Variants in SLF1 observed in about 807,000 individuals in gnomAD.
SLF1 encodes the protein SMC5/6 complex localization factor 1.
A neutral mutation model predicts 123.0 loss-of-function variants in SLF1; 105 were observed. The ratio of observed to expected loss-of-function variants is 0.85; its 90% CI spans 0.73 to 1.00. The LOEUF is 1.00. SLF1 is among the 50% of genes least tolerant of loss of function. The probability of loss-of-function intolerance (pLI) is 0.00; values close to 1 mark genes in which losing one functional copy is unlikely to be tolerated. For synonymous variants in SLF1, 434 were observed against 406.6 expected (o/e 1.07, Z -0.81); for missense variants, 1,239 against 1,223.0 (o/e 1.01, Z -0.20).
chr5:94,645,798 TAAGG>T (rs932410046), intron 5 of SLF1, among the ~76,000 whole-genome samples: 1 of 152,180 alleles, frequency 6.6e-6, no homozygotes, highest in Non-Finnish European at 1.5e-5. Flanking sequence ...CCAATCCAAA[TAAGG>T]AAGGCATATT....
Position 94,654,570 on chromosome 5 carries a change from A to T in SLF1, c.1033-60A>T, listed in dbSNP as rs893612726. 6 of 1,353,330 alleles carry T rather than the reference A, an allele frequency of 4.4e-6. No individual in the cohort carries two copies. The African/African-American group carries it at 8.9e-5, about 20-fold the overall frequency. 83.8% of individuals were successfully genotyped at this position (1,353,330 alleles called of 1,614,324 possible). On this transcript the variant is annotated intron_variant, in intron 8 of 20. Transcript: ENST00000265140. ...CTCTTATATTGTCCTTTGTGATATC[A>T]TCTGTGTTGACACTGTCTTTAGTAC...
chr5:94,624,819 C>T (rs1792085646), intron 1 of SLF1, among the ~76,000 whole-genome samples: 1 of 151,582 alleles, frequency 6.6e-6, no homozygotes, highest in South Asian at 2.1e-4. Context: ...CTGAAATAGC[C>T]ATTAAATAGA....
chr5:94,689,435 A>T, intron 17 of SLF1, 38 bp from the exon 18 acceptor site: 5 of 1,590,310 alleles, frequency 3.1e-6, no homozygotes, highest in Non-Finnish European at 4.3e-6. Flanking sequence ...CGCCTTGCTG[A>T]AAAACAAGCT....
intron 15 of SLF1, among the ~76,000 whole-genome samples, chr5:94,680,629 G>C (rs1751656837): frequency 6.6e-6 from 1 of 152,158 alleles, no homozygotes; most frequent in African/African-American, 2.4e-5. Context: ...TAGATGTCTT[G>C]TTTCCAATAC....
At chr5:94,688,709 G>C (rs369503329) in intron 17 of SLF1, 40 bp downstream of exon 17, 1 of 1,600,564 alleles carries the variant, frequency 6.2e-7, no homozygotes, top group South Asian at 1.1e-5. Context: ...TTGTTTTGGA[G>C]TACAGCTCTT....
At chr5:94,620,671 C>G (rs1194047394) in intron 1 of SLF1, among the ~76,000 whole-genome samples, 1 of 152,120 alleles carries the variant, frequency 6.6e-6, no homozygotes, top group Non-Finnish European at 1.5e-5. Flanking sequence ...AACGAATTCT[C>G]TCAAGAATGT....
intron 5 of SLF1, among the ~76,000 whole-genome samples, chr5:94,644,379 G>A (rs1273331124): frequency 2.6e-5 from 4 of 152,048 alleles, no homozygotes; most frequent in Admixed American, 6.6e-5. Flanking sequence ...ACTCACCTAC[G>A]TAAAACTCTT....
At chr5:94,627,984 C>T (rs970352196) in intron 1 of SLF1, among the ~76,000 whole-genome samples, 3 of 151,680 alleles carry the variant, frequency 2.0e-5, no homozygotes, top group Non-Finnish European at 4.4e-5. Flanking sequence ...CGTGCCGCCA[C>T]GCTGGGCTAA....
intron 4 of SLF1, among the ~76,000 whole-genome samples, chr5:94,638,992 A>G (rs923831390): frequency 1.0e-4 from 15 of 147,058 alleles, no homozygotes; most frequent in Admixed American, 6.8e-4. Context: ...AATTAAATCT[A>G]GTATCTTGCT....
rs769138285 is a variant in SLF1, at chr5:94,670,142, G to T, written c.1533-9G>T. On this transcript the variant is annotated splice_polypyrimidine_tract_variant and intron_variant, in intron 12 of 20. Transcript: ENST00000265140. ...GTATGTTATAGATTTTTGGGTTCAT[G>T]TTTTTCAGGTCTTGCCTTTTCAATG... is the stretch of plus-strand genomic sequence containing the variant. The T allele has an allele frequency of 6.5e-7, 1 of 1,530,066 alleles. No homozygotes were observed. Among genetic ancestry groups the T allele is most frequent in the South Asian group, 1.2e-5 (1 of 80,798 alleles). The allele number at this position is 1,530,066 out of a possible 1,614,324, so 94.8% of individuals were successfully genotyped here.
At chr5:94,685,033 A>G (rs1752256297) in intron 15 of SLF1, among the ~76,000 whole-genome samples, 1 of 152,232 alleles carries the variant, frequency 6.6e-6, no homozygotes, top group Admixed American at 6.5e-5. Flanking sequence ...TGTGGCAACC[A>G]GAAATTACCA....
chr5:94,667,635 A>G (rs190728232), intron 12 of SLF1, among the ~76,000 whole-genome samples: 1 of 152,242 alleles, frequency 6.6e-6, no homozygotes, highest in East Asian at 1.9e-4. Context: ...GTTAGCCCTT[A>G]TATATGTCTC....
chr5:94,663,830 T>G lies in SLF1; in HGVS notation c.1290T>G (p.Ile430Met), dbSNP rs1169442966. ...LIEGHFFKEA[I>M]EELSTLQAHY... is the part of the protein sequence containing the mutation. ...AAGGACATTTTTTTAAAGAAGCAAT[T>G]GAGGAACTTTCCACTTTGCAGGCAC... The change falls in exon 11 of 21, where the codon ATT becomes ATG. Residue 430 changes from isoleucine to methionine, a missense_variant. Physicochemically the swap from Ile to Met is conservative, Grantham distance 10. Coordinates refer to ENST00000265140, the MANE Select transcript of SLF1 (RefSeq NM_032290.4). 1.9e-6 allele frequency: 3 copies of G among 1,550,954 alleles called. No homozygotes were observed. The highest frequency in any genetic ancestry group is 2.6e-6 in the Non-Finnish European group (3 of 1,146,670).
In SLF1 at chr5:94,694,978, A is replaced by T. The variant is rs922331922; in HGVS notation, c.2843A>T (p.His948Leu). 1.9e-6 allele frequency: 3 copies of T among 1,612,586 alleles called. No homozygotes were observed. The African/African-American group carries it at 4.0e-5, about 22-fold the overall frequency. ...NFHAQAEKHF[H>L]YQQLEFGSFL... ...CATGCACAAGCAGAGAAACATTTTC[A>T]TTACCAGCAACTTGAATTTGGCTCC... is the stretch of plus-strand genomic sequence containing the variant. The change falls in exon 21 of 21, where the codon CAT (histidine) becomes CTT (leucine). Residue 948 changes from histidine (H) to leucine (L), a missense_variant. Coordinates refer to ENST00000265140, the MANE Select transcript of SLF1 (RefSeq NM_032290.4).
Position 94,694,911 on chromosome 5 carries a change from C to A in SLF1, c.2776C>A (p.Leu926Met), listed in dbSNP as rs750216683. ...YVVSPQIKEELFAITKIEDTV... is the reference protein window; with the variant it reads ...YVVSPQIKEEMFAITKIEDTV... ...GGTTTCACCTCAAATCAAAGAAGAA[C>A]TGTTTGCTATTACAAAAATAGAAGA... The change falls in exon 21 of 21, where the codon CTG becomes ATG. Residue 926 changes from leucine to methionine, a missense_variant. Coordinates refer to ENST00000265140, the MANE Select transcript of SLF1 (RefSeq NM_032290.4). 2.5e-6 allele frequency: 4 copies of A among 1,611,688 alleles called. No homozygotes were observed. The South Asian group carries it at 4.4e-5, about 18-fold the overall frequency.
intron 9 of SLF1, among the ~76,000 whole-genome samples, chr5:94,656,876 G>A (rs1748449628): frequency 6.7e-6 from 1 of 150,170 alleles, no homozygotes; most frequent in African/African-American, 2.4e-5. Context: ...TTTTGTCTTT[G>A]TTAGTCTTGC....
At chr5:94,670,349 AATT>A (rs1169956201) in intron 13 of SLF1, 70 bp downstream of exon 13, 8 of 1,090,324 alleles carry the variant, frequency 7.3e-6, no homozygotes, top group African/African-American at 1.7e-5. Context: ...TTTTTTTTAC[AATT>A]ATTATAAATA....
chr5:94,677,273 C>T (rs1124666), intron 14 of SLF1, among the ~76,000 whole-genome samples: 3,079 of 151,998 alleles, frequency 0.02, 206 homozygotes, highest in East Asian at 0.14. Context: ...AACATTTTTT[C>T]GAAACATTAA....
intron 4 of SLF1, among the ~76,000 whole-genome samples, chr5:94,638,529 C>T (rs1042968057): frequency 5.9e-5 from 9 of 152,194 alleles, no homozygotes; most frequent in African/African-American, 1.9e-4. Context: ...GCCATTACCC[C>T]TTGTCCTCCC....
Sources: gnomAD v4.1 joint callset for allele counts (sites outside exome capture counted in the v4.1 genomes callset) on GRCh38, gnomAD v4.1.1 for gene constraint, MANE v1.5 for transcripts, NCBI Gene and HGNC (gene_info 2026-07-23, HGNC 2026-07-21) for gene names.